The following TBC1D8B variants were observed in gnomAD, a reference collection of about 807,000 sequenced individuals.
TBC1D8B encodes TBC1 domain family member 8B.
TBC1D8B carries 75 observed loss-of-function variants against 82.9 expected under a neutral mutation model. That is an observed-to-expected ratio of 0.90 (90% confidence interval 0.75 to 1.10). The LOEUF (loss-of-function observed/expected upper bound fraction) is 1.10. Ranked by LOEUF, TBC1D8B falls within the 50% of genes least tolerant of loss-of-function variation. The pLI is 0.00. For synonymous variants in TBC1D8B, 276 were observed against 276.8 expected (o/e 1.00, Z 0.03); for missense variants, 794 against 796.9 (o/e 1.00, Z 0.04).
intron 7 of TBC1D8B, among the ~76,000 whole-genome samples, chrX:106,838,268 G>A (rs918818469): frequency 3.6e-5 from 4 of 111,199 alleles, no homozygotes; most frequent in Non-Finnish European, 7.6e-5. Flanking sequence ...TCTATTGGTT[G>A]CTTTTTTAAG....
At chrX:106,827,648 A>G (rs1369646830) in intron 7 of TBC1D8B, 2 of 173,153 alleles carry the variant, frequency 1.2e-5, no homozygotes, top group Non-Finnish European at 2.1e-5. Context: ...AAGTCAAAAT[A>G]TATTTGAGAA....
intron 7 of TBC1D8B, chrX:106,828,913 A>C (rs1459889749): frequency 9.3e-6 from 1 of 107,339 alleles, no homozygotes; most frequent in Non-Finnish European, 1.9e-5. Context: ...CACCACTCCT[A>C]TTCAACATAG....
chrX:106,834,744 A>C (rs898964734), intron 7 of TBC1D8B, among the ~76,000 whole-genome samples: 2 of 112,122 alleles, frequency 1.8e-5, no homozygotes, highest in Middle Eastern at 4.6e-3. Context: ...GGCCCCATAC[A>C]AGTCTGAAAT....
chrX:106,819,250 C>G (rs189200393), intron 2 of TBC1D8B, among the ~76,000 whole-genome samples: 68 of 110,892 alleles, frequency 6.1e-4, no homozygotes, highest in African/African-American at 2.1e-3. Flanking sequence ...AGCATCATAT[C>G]CTTGAAATAT....
chrX:106,830,948 TAATAAATAAATA>T (rs769351110), intron 7 of TBC1D8B, among the ~76,000 whole-genome samples: 9 of 104,885 alleles, frequency 8.6e-5, no homozygotes, highest in African/African-American at 1.1e-4. Context: ...AGTATAATAA[TAATAAATAAATA>T]AATAAATAAA....
In TBC1D8B at chrX:106,835,059, A is replaced by C. The variant is rs1932142256; in HGVS notation, c.1204-4249A>C. ...ATGGGGACTCTATGTGGGGGCTCCG[A>C]CCCCACATTTTCCTTCCATACTGCT... On this transcript the variant is annotated intron_variant, in intron 7 of 20. Transcript: ENST00000357242. Among the ~76,000 whole-genome samples the C allele has an allele frequency of 4.5e-5, 5 of 111,414 alleles. No individual in the cohort carries two copies. In the South Asian group the frequency reaches 1.9e-3, roughly 42 times the overall value.
At chrX:106,854,815 C>G (rs2147765073) in intron 14 of TBC1D8B, among the ~76,000 whole-genome samples, 1 of 111,856 alleles carries the variant, frequency 8.9e-6, no homozygotes, top group Admixed American at 9.5e-5. Context: ...CACACCTAGC[C>G]TGCAGCTCAG....
At chrX:106,816,159 A>G (rs1931536216) in intron 1 of TBC1D8B, among the ~76,000 whole-genome samples, 1 of 111,046 alleles carries the variant, frequency 9.0e-6, no homozygotes, top group Admixed American at 9.6e-5. Flanking sequence ...TATCTAGAAA[A>G]CCCCATTGTC....
Position 106,854,408 on chromosome X carries a change from C to T in TBC1D8B, c.2352+112C>T, listed in dbSNP as rs190220046. On this transcript the variant is annotated intron_variant, in intron 14 of 20. Coordinates refer to ENST00000357242, the MANE Select transcript of TBC1D8B (RefSeq NM_017752.3). ...AAATGAAAAGGACTAAACTTTTGAG[C>T]TAGATCCTTGCCAAGGTTTACCCTA... The T allele has an allele frequency of 4.5e-4, 190 of 424,623 alleles. No homozygotes were observed. The African/African-American group carries it at 4.6e-3, about 10-fold the overall frequency. The allele number at this position is 424,623 out of a possible 1,213,427, so 35.0% of individuals were successfully genotyped here.
intron 7 of TBC1D8B, among the ~76,000 whole-genome samples, chrX:106,834,469 C>T (rs1602419708): frequency 9.0e-6 from 1 of 110,999 alleles, no homozygotes; most frequent in East Asian, 2.9e-4. Context: ...CATTCCACCC[C>T]TGGCCCCTCC....
intron 12 of TBC1D8B, among the ~76,000 whole-genome samples, chrX:106,851,944 T>A (rs1932594707): frequency 9.1e-6 from 1 of 110,271 alleles, no homozygotes; most frequent in Admixed American, 9.7e-5. Flanking sequence ...ATGGGATGGC[T>A]GGGTCAAATG....
At chrX:106,827,122 C>T (rs756446418) in intron 6 of TBC1D8B, 48 bp from the exon 7 acceptor site, 33 of 1,174,630 alleles carry the variant, frequency 2.8e-5, no homozygotes, top group Non-Finnish European at 3.8e-5. Context: ...TTGAAGGTGT[C>T]AACAATAAAG....
intron 8 of TBC1D8B, 32 bp downstream of exon 8, chrX:106,839,489 T>G (rs1295598860): frequency 2.7e-6 from 3 of 1,094,188 alleles, no homozygotes; most frequent in Non-Finnish European, 3.6e-6. Context: ...ACCTATGGGC[T>G]GAAACATTTG....
intron 14 of TBC1D8B, among the ~76,000 whole-genome samples, chrX:106,864,545 GTCTCAC>G (rs1932801041): frequency 1.3e-5 from 1 of 77,106 alleles, no homozygotes; most frequent in Non-Finnish European, 2.3e-5. Flanking sequence ...TTTTGAGACA[GTCTCAC>G]TCTGTCGCCC....
intron 1 of TBC1D8B, among the ~76,000 whole-genome samples, chrX:106,813,529 T>C (rs925002810): frequency 1.8e-5 from 2 of 112,034 alleles, no homozygotes; most frequent in Non-Finnish European, 3.8e-5. Context: ...TGATTTTGAC[T>C]ACTCCTCTCA....
intron 1 of TBC1D8B, chrX:106,813,829 C>T (rs1390025148): frequency 1.8e-5 from 2 of 109,230 alleles, no homozygotes; most frequent in Non-Finnish European, 3.8e-5. Flanking sequence ...AAATTGAAAA[C>T]ATTCTCCTCT....
At chrX:106,832,268 G>A (rs1932067269) in intron 7 of TBC1D8B, among the ~76,000 whole-genome samples, 1 of 111,399 alleles carries the variant, frequency 9.0e-6, no homozygotes, top group East Asian at 2.8e-4. Context: ...AATTATGCAT[G>A]AGTACCAGTT....
chrX:106,871,468 T>C (rs978747243), intron 20 of TBC1D8B, among the ~76,000 whole-genome samples: 3 of 111,618 alleles, frequency 2.7e-5, no homozygotes, highest in Non-Finnish European at 5.6e-5. Context: ...TAGGGAAAAA[T>C]TCTCTCAAAC....
intron 20 of TBC1D8B, among the ~76,000 whole-genome samples, chrX:106,873,297 T>C (rs1048492690): frequency 1.8e-5 from 2 of 111,284 alleles, no homozygotes; most frequent in Non-Finnish European, 3.8e-5. Flanking sequence ...TTTCACCACG[T>C]TGGCCAGGCT....
Sources: allele counts gnomAD v4.1 joint callset (sites outside exome capture counted in the v4.1 genomes callset), GRCh38; gene constraint gnomAD v4.1.1; transcripts MANE v1.5; gene names NCBI Gene and HGNC (gene_info 2026-07-23, HGNC 2026-07-21).